IFT88: variants seen among roughly 807,000 people sequenced by gnomAD.
IFT88 encodes intraflagellar transport protein 88 homolog.
In IFT88, 74 loss-of-function variants were observed where a neutral mutation model predicts 119.5. The observed-to-expected ratio is 0.62, with a 90% confidence interval of 0.51 to 0.75. IFT88 has a LOEUF of 0.75. IFT88 is among the 30% of genes least tolerant of loss of function. The probability of loss-of-function intolerance (pLI) is 0.00; values close to 1 mark genes in which losing one functional copy is unlikely to be tolerated. For missense variants in IFT88, 961 were observed against 977.7 expected (o/e 0.98, Z 0.23); for synonymous variants, 279 against 316.7 (o/e 0.88, Z 1.26).
chr13:20,578,141 T>C (rs911297071), intron 2 of IFT88, among the ~76,000 whole-genome samples: 1 of 140,458 alleles, frequency 7.1e-6, no homozygotes, highest in Non-Finnish European at 1.5e-5. Context: ...GCCTCCCAGG[T>C]TCACGCCATC....
chr13:20,586,798 T>G (rs943951198), intron 3 of IFT88, among the ~76,000 whole-genome samples: 1 of 152,200 alleles, frequency 6.6e-6, no homozygotes, highest in Admixed American at 6.5e-5. Context: ...TGTATACAAA[T>G]TAAAATACCT....
chr13:20,617,502 A>G (rs2045826743), intron 14 of IFT88, among the ~76,000 whole-genome samples: 1 of 152,186 alleles, frequency 6.6e-6, no homozygotes, highest in Admixed American at 6.5e-5. Flanking sequence ...TTGGTCTTTT[A>G]TTAACTTGGA....
Position 20,653,925 on chromosome 13 carries a change from AGTG to A in IFT88, c.2002_2002+2del. 1 of 1,580,186 alleles carries A rather than the reference AGTG, an allele frequency of 6.3e-7. No individual in the cohort carries two copies. Among genetic ancestry groups the A allele is most frequent in the Non-Finnish European group, 8.6e-7 (1 of 1,158,434 alleles). ...GATGGTAGCTAGTTGTTTCAGAAGA[AGTG>A]GTAAATGCTTTAGTTTTATTCATTT... On this transcript the variant is annotated inframe_deletion and splice_region_variant, in exon 21 of 26. Coordinates refer to ENST00000351808, the MANE Select transcript of IFT88 (RefSeq NM_006531.5).
In IFT88 at chr13:20,591,003, A is replaced by G. The variant is rs201782733; in HGVS notation, c.247A>G (p.Met83Val). The G allele has an allele frequency of 9.9e-6, 16 of 1,610,088 alleles. No homozygotes were observed. The East Asian group carries it at 3.1e-4, about 31-fold the overall frequency. ...TSLASSIGRPMTGAIQDGVTR... is the reference protein window; with the variant it reads ...TSLASSIGRPVTGAIQDGVTR... Reference sequence around the variant, plus strand: ...TCTGGCATCATCAATAGGAAGACCAATGACAGGGGCTATTCAGGTATCTCT... The same window carrying G: ...TCTGGCATCATCAATAGGAAGACCAGTGACAGGGGCTATTCAGGTATCTCT... Residue 83 changes from methionine (M) to valine (V), a missense_variant, in exon 5 of 26, where the codon ATG becomes GTG. Transcript: ENST00000351808.
intron 17 of IFT88, 108 bp downstream of exon 17, chr13:20,638,626 T>G (rs1485946631): frequency 1.0e-5 from 6 of 602,082 alleles, no homozygotes; most frequent in East Asian, 3.3e-5. Context: ...AGGAGTTGAC[T>G]TCCTTCTAAC....
chr13:20,613,442 G>A (rs1440849433), intron 13 of IFT88, among the ~76,000 whole-genome samples: 1 of 152,084 alleles, frequency 6.6e-6, no homozygotes, highest in Non-Finnish European at 1.5e-5. Flanking sequence ...ACAAGTATTG[G>A]TAAGAGTGTG....
intron 15 of IFT88, among the ~76,000 whole-genome samples, chr13:20,628,998 T>C (rs541781695): frequency 6.6e-6 from 1 of 152,266 alleles, no homozygotes; most frequent in African/African-American, 2.4e-5. Context: ...ATAACACTCC[T>C]TTTTTTAAAA....
chr13:20,631,145 A>T (rs1442356663), intron 16 of IFT88, 43 bp downstream of exon 16: 1 of 1,215,622 alleles, frequency 8.2e-7, no homozygotes, highest in Non-Finnish European at 1.2e-6. Flanking sequence ...TGCTATTTTT[A>T]TATTGCTAAA....
intron 24 of IFT88, among the ~76,000 whole-genome samples, chr13:20,673,829 G>A (rs2056265706): frequency 6.6e-6 from 1 of 152,090 alleles, no homozygotes; most frequent in Non-Finnish European, 1.5e-5. Flanking sequence ...GCACAAATAA[G>A]CTTTATTCTC....
intron 20 of IFT88, among the ~76,000 whole-genome samples, chr13:20,647,596 T>C (rs748157650): frequency 2.6e-5 from 4 of 152,214 alleles, no homozygotes; most frequent in Non-Finnish European, 5.9e-5. Flanking sequence ...AATCATGTCT[T>C]AAAATATCAA....
chr13:20,588,843 A>C (rs543858562), intron 3 of IFT88, among the ~76,000 whole-genome samples: 18 of 152,296 alleles, frequency 1.2e-4, no homozygotes, highest in Non-Finnish European at 1.8e-4. Flanking sequence ...GTCAGCCCTT[A>C]TGAGGGCTAG....
intron 1 of IFT88, among the ~76,000 whole-genome samples, chr13:20,573,479 C>A (rs1420486974): frequency 6.6e-6 from 1 of 152,116 alleles, no homozygotes; most frequent in Non-Finnish European, 1.5e-5. Flanking sequence ...CAATTCCTTT[C>A]TTTAGGTCGA....
intron 3 of IFT88, among the ~76,000 whole-genome samples, chr13:20,584,612 A>C (rs1324191826): frequency 6.6e-6 from 1 of 152,100 alleles, no homozygotes; most frequent in Non-Finnish European, 1.5e-5. Flanking sequence ...TATTAGTATT[A>C]AGGTTTTTGT....
intron 7 of IFT88, among the ~76,000 whole-genome samples, chr13:20,594,220 A>G (rs990904813): frequency 7.2e-5 from 11 of 152,138 alleles, no homozygotes; most frequent in African/African-American, 2.4e-4. Context: ...GCTTTCCCCA[A>G]GCGCCTGCCG....
intron 24 of IFT88, among the ~76,000 whole-genome samples, chr13:20,674,923 C>T (rs890990993): frequency 3.3e-5 from 5 of 151,330 alleles, no homozygotes; most frequent in Non-Finnish European, 5.9e-5. Context: ...CCATGTTAGC[C>T]GGGATGGTCT....
chr13:20,636,660 T>G (rs576285694), intron 16 of IFT88, among the ~76,000 whole-genome samples: 10 of 152,402 alleles, frequency 6.6e-5, no homozygotes, highest in African/African-American at 2.4e-4. Flanking sequence ...CTTCTGCCTT[T>G]GCAGGCTCAC....
At position 20,590,950 on chromosome 13, in the gene IFT88, A is replaced by G. The variant is rs763475052; in HGVS notation, c.211-17A>G. ...TATTTTTAGGAATCTTTTTAACTTAACTTTTCTGTTTACTAGTCCAAGACA... is the reference window on the plus strand; with the variant it reads ...TATTTTTAGGAATCTTTTTAACTTAGCTTTTCTGTTTACTAGTCCAAGACA... On this transcript the variant is annotated splice_polypyrimidine_tract_variant and intron_variant, in intron 4 of 25. Coordinates refer to ENST00000351808, the MANE Select transcript of IFT88 (RefSeq NM_006531.5). The G allele has an allele frequency of 3.2e-6, 5 of 1,583,656 alleles. No homozygotes were observed. Among genetic ancestry groups the G allele is most frequent in the Non-Finnish European group, 3.4e-6 (4 of 1,160,404 alleles).
intron 14 of IFT88, among the ~76,000 whole-genome samples, chr13:20,619,497 T>C (rs1950938903): frequency 6.6e-6 from 1 of 152,240 alleles, no homozygotes; most frequent in South Asian, 2.1e-4. Context: ...TTCTTTTGCA[T>C]ATGACTTCTT....
chr13:20,627,644 T>C (rs1314467497), intron 15 of IFT88, among the ~76,000 whole-genome samples: 1 of 146,448 alleles, frequency 6.8e-6, no homozygotes, highest in African/African-American at 2.5e-5. Context: ...GACAGGAGAA[T>C]TGCTTGAACC....
Sources: allele counts gnomAD v4.1 joint callset (sites outside exome capture counted in the v4.1 genomes callset), GRCh38; gene constraint gnomAD v4.1.1; transcripts MANE v1.5; gene names NCBI Gene and HGNC (gene_info 2026-07-23, HGNC 2026-07-21).